Variants in MAPKAP1 observed in about 807,000 individuals in gnomAD.
MAPKAP1 encodes the protein MAPK associated protein 1.
In MAPKAP1, 20 loss-of-function variants were observed where a neutral mutation model predicts 65.7. The ratio of observed to expected loss-of-function variants is 0.30; its 90% CI spans 0.21 to 0.44. MAPKAP1 has a LOEUF of 0.44. Among genes scored for constraint, MAPKAP1 ranks in the 20% least tolerant of loss-of-function variants. The pLI is 1.00. For missense variants in MAPKAP1, 423 were observed against 648.0 expected (o/e 0.65, Z 3.77); for synonymous variants, 222 against 244.3 (o/e 0.91, Z 0.85).
At chr9:125,690,751 C>A (rs1835142139) in intron 1 of MAPKAP1, among the ~76,000 whole-genome samples, 1 of 152,156 alleles carries the variant, frequency 6.6e-6, no homozygotes. Context: ...GACACAGCAT[C>A]GGACAAGGCA....
intron 7 of MAPKAP1, among the ~76,000 whole-genome samples, chr9:125,536,075 G>C (rs977490598): frequency 2.6e-5 from 4 of 152,222 alleles, no homozygotes; most frequent in Admixed American, 6.5e-5. Context: ...GTTTTTCTGA[G>C]GTGGCAGTTG....
intron 4 of MAPKAP1, among the ~76,000 whole-genome samples, chr9:125,608,511 C>T (rs116059594): frequency 1.4e-3 from 207 of 152,288 alleles, no homozygotes; most frequent in African/African-American, 4.8e-3. Flanking sequence ...TTCTTGGGGC[C>T]GCCGCTGTGG....
intron 6 of MAPKAP1, among the ~76,000 whole-genome samples, chr9:125,551,317 A>T (rs140122334): frequency 1.3e-5 from 2 of 152,184 alleles, no homozygotes; most frequent in Admixed American, 6.5e-5. Context: ...AGGTAAACTA[A>T]AACTCCCCAC....
At chr9:125,546,401 G>C (rs1431442266) in intron 6 of MAPKAP1, among the ~76,000 whole-genome samples, 2 of 152,110 alleles carry the variant, frequency 1.3e-5, no homozygotes, top group Admixed American at 1.3e-4. Flanking sequence ...GGGGGAGATG[G>C]GCAGGGTTTT....
At chr9:125,609,857 C>T (rs890983524) in intron 4 of MAPKAP1, among the ~76,000 whole-genome samples, 4 of 152,208 alleles carry the variant, frequency 2.6e-5, no homozygotes, top group Non-Finnish European at 5.9e-5. Flanking sequence ...CTACCATTTA[C>T]TCTGTGCCTG....
intron 4 of MAPKAP1, among the ~76,000 whole-genome samples, chr9:125,647,124 T>A (rs977425662): frequency 2.0e-5 from 3 of 152,206 alleles, no homozygotes; most frequent in Non-Finnish European, 2.9e-5. Flanking sequence ...AATGCACATA[T>A]AACAAATCAA....
At chr9:125,513,300 G>C (rs971557959) in intron 7 of MAPKAP1, 6 of 151,982 alleles carry the variant, frequency 3.9e-5, no homozygotes, top group Non-Finnish European at 8.8e-5. Context: ...CATCATTGCT[G>C]ACCATAAGAA....
chr9:125,478,771 T>C (rs996169271), intron 9 of MAPKAP1, among the ~76,000 whole-genome samples: 26 of 152,206 alleles, frequency 1.7e-4, no homozygotes, highest in Non-Finnish European at 5.9e-5. Flanking sequence ...GAGTTGGTAC[T>C]AACAGCTAGG....
intron 3 of MAPKAP1, among the ~76,000 whole-genome samples, chr9:125,658,439 C>A (rs1296449817): frequency 2.6e-5 from 4 of 152,194 alleles, no homozygotes; most frequent in African/African-American, 7.2e-5. Context: ...CTCATTTAAT[C>A]CTCATAACAA....
intron 4 of MAPKAP1, among the ~76,000 whole-genome samples, chr9:125,604,214 G>T (rs574448170): frequency 1.1e-4 from 17 of 152,220 alleles, no homozygotes; most frequent in South Asian, 4.2e-4. Flanking sequence ...GTTATACAAA[G>T]CATAACAAAG....
intron 4 of MAPKAP1, chr9:125,596,119 C>T (rs926558385): frequency 2.5e-6 from 2 of 809,292 alleles, no homozygotes; most frequent in East Asian, 4.8e-5. Flanking sequence ...GCCTTTGTAA[C>T]CTTTGATGGC....
chr9:125,603,966 C>A (rs1445993566), intron 4 of MAPKAP1, among the ~76,000 whole-genome samples: 1 of 81,198 alleles, frequency 1.2e-5, no homozygotes, highest in Non-Finnish European at 3.6e-5. Context: ...GGTATGATTA[C>A]AACAACAAGA....
intron 7 of MAPKAP1, among the ~76,000 whole-genome samples, chr9:125,530,833 C>T (rs1247024643): frequency 6.6e-6 from 1 of 152,208 alleles, no homozygotes; most frequent in African/African-American, 2.4e-5. Flanking sequence ...AGGAAGTAAA[C>T]CAAAACCTAA....
intron 6 of MAPKAP1, among the ~76,000 whole-genome samples, chr9:125,544,207 A>G (rs990102059): frequency 6.6e-6 from 1 of 151,856 alleles, no homozygotes; most frequent in Non-Finnish European, 1.5e-5. Flanking sequence ...GATGGGTTTC[A>G]CCATCTTGGC....
At chr9:125,620,261 T>A (rs1190954500) in intron 4 of MAPKAP1, among the ~76,000 whole-genome samples, 1 of 152,042 alleles carries the variant, frequency 6.6e-6, no homozygotes, top group Non-Finnish European at 1.5e-5. Flanking sequence ...TGAGCTGAGA[T>A]CGCACCACTG....
rs557984307 is a variant in MAPKAP1 at position 125,628,437 on chromosome 9, T to C, written c.498+29214A>G. Among the ~76,000 whole-genome samples the C allele has an allele frequency of 1.6e-3, 241 of 152,314 alleles. 3 individuals are homozygous for C. Among genetic ancestry groups the C allele is most frequent in the Non-Finnish European group, 2.0e-3 (134 of 68,032 alleles). On this transcript the variant is annotated intron_variant, in intron 4 of 11. Transcript: ENST00000265960. Reference sequence around the variant, plus strand: ...ACACCTGTGAAAAGTGTTCTCATTATAAGTCACTTAAGACAAGAAAATGTC... The same window carrying C: ...ACACCTGTGAAAAGTGTTCTCATTACAAGTCACTTAAGACAAGAAAATGTC...
chr9:125,529,421 A>T (rs2133135223), intron 7 of MAPKAP1, among the ~76,000 whole-genome samples: 1 of 151,806 alleles, frequency 6.6e-6, no homozygotes, highest in Non-Finnish European at 1.5e-5. Context: ...TACCTGAGAG[A>T]TCTGCATGAC....
chr9:125,439,705 G>A lies in MAPKAP1; in HGVS notation c.1444-693C>T, dbSNP rs1852410832. On this transcript the variant is annotated intron_variant, in intron 11 of 11. Coordinates refer to ENST00000265960, the MANE Select transcript of MAPKAP1 (RefSeq NM_001006617.3). This position sits in a 1 kb window ranked among gnomAD's most constrained non-coding sequence, Gnocchi z 4.0. The stretch of plus-strand genomic sequence containing the variant: ...CACGCTGCTGCTTCCACGAAGCCCT[G>A]GGAGTCTGCCCGGAGTCGCATGTGC... 6.6e-6 allele frequency among the ~76,000 whole-genome samples: 1 copy of A among 152,252 alleles called. No homozygotes were observed. Among genetic ancestry groups the A allele is most frequent in the South Asian group, 2.1e-4 (1 of 4,834 alleles).
intron 8 of MAPKAP1, among the ~76,000 whole-genome samples, chr9:125,492,081 G>C (rs1048016861): frequency 5.3e-5 from 8 of 150,646 alleles, no homozygotes; most frequent in East Asian, 3.9e-4. Context: ...GTGCACACCT[G>C]TAGTCCCAGC....
Sources: allele counts gnomAD v4.1 joint callset (sites outside exome capture counted in the v4.1 genomes callset), GRCh38; gene constraint gnomAD v4.1.1; non-coding constraint Gnocchi (gnomAD v3.1); transcripts MANE v1.5; gene names NCBI Gene and HGNC (gene_info 2026-07-23, HGNC 2026-07-21).